The following CADM2 variants were observed in gnomAD, a reference collection of about 807,000 sequenced individuals.
The protein encoded by CADM2 is cell adhesion molecule 2, also known as immunoglobulin superfamily member 4D.
CADM2 carries 12 observed loss-of-function variants against 49.8 expected under a neutral mutation model. The observed-to-expected ratio is 0.24, with a 90% CI of 0.15 to 0.39. The LOEUF is 0.39. Among genes scored for constraint, CADM2 ranks in the 10% least tolerant of loss-of-function variants. The pLI is 1.00. For synonymous variants in CADM2, 214 were observed against 175.4 expected, an observed-to-expected ratio of 1.22 and a Z score of -1.74; for missense variants, 378 against 492.3, an observed-to-expected ratio of 0.77 and a Z score of 2.20.
intron 1 of CADM2, among the ~76,000 whole-genome samples, chr3:85,609,040 C>T (rs758071119): frequency 1.3e-5 from 2 of 152,014 alleles, no homozygotes; most frequent in Non-Finnish European, 2.9e-5. Flanking sequence ...TTCATTGTCA[C>T]TCTGTTCTCC....
intron 5 of CADM2, among the ~76,000 whole-genome samples, chr3:85,902,061 G>T (rs1298825596): frequency 6.6e-6 from 1 of 151,824 alleles, no homozygotes; most frequent in Non-Finnish European, 1.5e-5. Flanking sequence ...TATGCTTTGG[G>T]GCTTTTATTT....
At chr3:85,341,277 A>T (rs1455359965) in intron 1 of CADM2, among the ~76,000 whole-genome samples, 1 of 151,932 alleles carries the variant, frequency 6.6e-6, no homozygotes. Flanking sequence ...AAAGAGAGAA[A>T]TAAGGAGGAA....
intron 6 of CADM2, among the ~76,000 whole-genome samples, chr3:85,919,804 T>C (rs1718861430): frequency 6.6e-6 from 1 of 151,932 alleles, no homozygotes. Flanking sequence ...ACTAATATGC[T>C]TGATCAGTTC....
At chr3:85,580,071 C>T (rs766370547) in intron 1 of CADM2, among the ~76,000 whole-genome samples, 14 of 152,036 alleles carry the variant, frequency 9.2e-5, no homozygotes, top group Non-Finnish European at 1.9e-4. Context: ...TTGAGGATGG[C>T]AAGAAATCAT....
At chr3:85,784,415 A>G (rs59820539) in intron 2 of CADM2, among the ~76,000 whole-genome samples, 2 of 146,290 alleles carry the variant, frequency 1.4e-5, no homozygotes, top group African/African-American at 5.1e-5. Flanking sequence ...GAAATTTTTT[A>G]ATGGACTGAT....
chr3:85,027,610 TAAAG>T (rs1345362250), intron 1 of CADM2, among the ~76,000 whole-genome samples: 2 of 152,170 alleles, frequency 1.3e-5, no homozygotes, highest in South Asian at 2.1e-4. Flanking sequence ...TTTCTTCATA[TAAAG>T]ATTCATTTAT....
At chr3:85,565,195 G>GT (rs556199358) in intron 1 of CADM2, among the ~76,000 whole-genome samples, 17 of 151,332 alleles carry the variant, frequency 1.1e-4, no homozygotes, top group Non-Finnish European at 2.2e-4. Context: ...TTTATAACTT[G>GT]TGCATGTATC....
intron 8 of CADM2, among the ~76,000 whole-genome samples, chr3:86,011,473 A>G (rs187872659): frequency 6.6e-6 from 1 of 152,304 alleles, no homozygotes; most frequent in African/African-American, 2.4e-5. Context: ...AAGAATATGT[A>G]TACCAAAGGC....
intron 3 of CADM2, among the ~76,000 whole-genome samples, chr3:85,831,488 A>C (rs1397317823): frequency 1.3e-5 from 2 of 151,944 alleles, no homozygotes; most frequent in African/African-American, 2.4e-5. Context: ...ACCTTGCCAG[A>C]ATCTGTTATT....
chr3:85,288,541 T>A (rs1442292550), intron 1 of CADM2, among the ~76,000 whole-genome samples: 1 of 152,144 alleles, frequency 6.6e-6, no homozygotes, highest in Non-Finnish European at 1.5e-5. Context: ...TCATTTATTC[T>A]TTAAAATTAG....
chr3:85,233,236 G>T (rs2042336779), intron 1 of CADM2, among the ~76,000 whole-genome samples: 1 of 152,132 alleles, frequency 6.6e-6, no homozygotes, highest in South Asian at 2.1e-4. Flanking sequence ...GGTTCAGTGG[G>T]AAGGAGGGAG....
intron 1 of CADM2, among the ~76,000 whole-genome samples, chr3:85,115,809 T>C (rs1175918533): frequency 6.6e-6 from 1 of 152,138 alleles, no homozygotes; most frequent in Admixed American, 6.5e-5. Flanking sequence ...GACACATCAG[T>C]TAAAGAGGTG....
At chr3:85,945,273 G>C (rs781350334) in intron 7 of CADM2, among the ~76,000 whole-genome samples, 6 of 152,046 alleles carry the variant, frequency 3.9e-5, no homozygotes, top group Admixed American at 1.3e-4. Flanking sequence ...CTCTGAAATT[G>C]AGGCAATAAT....
chr3:85,593,505 G>A (rs534543362), intron 1 of CADM2, among the ~76,000 whole-genome samples: 27 of 152,000 alleles, frequency 1.8e-4, no homozygotes, highest in South Asian at 6.2e-4. Flanking sequence ...GATTTCTATC[G>A]TCATAGAGCA....
chr3:86,012,493 G>A (rs1262331162), intron 8 of CADM2: 1 of 1,033,708 alleles, frequency 9.7e-7, no homozygotes, highest in East Asian at 3.4e-5. Flanking sequence ...CCGTGACCCG[G>A]ACCAGCGGGC....
At chr3:85,802,323 C>A (rs1330687402) in intron 3 of CADM2, 127 bp downstream of exon 3, 3 of 786,224 alleles carry the variant, frequency 3.8e-6, no homozygotes, top group Non-Finnish European at 5.6e-6. Flanking sequence ...TGTATTTAAA[C>A]ATGTTAAATA....
At chr3:85,135,855 C>T (rs896379423) in intron 1 of CADM2, among the ~76,000 whole-genome samples, 43 of 151,988 alleles carry the variant, frequency 2.8e-4, no homozygotes, top group African/African-American at 1.0e-3. Context: ...ATTTAGCTCT[C>T]TGAGTTCAAA....
chr3:85,017,217 T>A (rs1482501179), intron 1 of CADM2, among the ~76,000 whole-genome samples: 1 of 152,176 alleles, frequency 6.6e-6, no homozygotes, highest in African/African-American at 2.4e-5. Flanking sequence ...GATGAATGAC[T>A]ATTAAGTGGA....
chr3:85,150,045 T>C (rs940138030), intron 1 of CADM2, among the ~76,000 whole-genome samples: 3 of 152,240 alleles, frequency 2.0e-5, no homozygotes, highest in Non-Finnish European at 4.4e-5. Context: ...TAAGGTTAAC[T>C]TAATTTCTCA....
Sources: allele counts gnomAD v4.1 joint callset (sites outside exome capture counted in the v4.1 genomes callset), GRCh38; gene constraint gnomAD v4.1.1; transcripts MANE v1.5; gene names NCBI Gene and HGNC (gene_info 2026-07-23, HGNC 2026-07-21).